The following KDM4B variants were observed in gnomAD, a reference collection of about 807,000 sequenced individuals.
KDM4B encodes the protein lysine demethylase 4B.
In KDM4B, 32 loss-of-function variants were observed where a neutral mutation model predicts 125.2. That is an observed-to-expected ratio of 0.26 (90% CI 0.19 to 0.34). The LOEUF (loss-of-function observed/expected upper bound fraction) is 0.34, where lower values mean the gene tolerates loss of function less well. KDM4B is among the 10% of genes least tolerant of loss of function. The pLI, the probability that KDM4B is intolerant of heterozygous loss-of-function variation, is 1.00. For synonymous variants in KDM4B, 721 were observed against 677.9 expected (o/e 1.06, Z -0.99); for missense variants, 1,190 against 1,577.7 (o/e 0.75, Z 4.16).
In KDM4B at chr19:5,069,546, G is replaced by T. The variant is rs545143739; in HGVS notation, c.627-1464G>T. On this transcript the variant is annotated intron_variant, in intron 6 of 22. Coordinates refer to ENST00000159111, the MANE Select transcript of KDM4B (RefSeq NM_015015.3). ...GCTGGTCTCAAACTTCTGACCTCGTGATCCACCCGCCTCGGCCTCCCAAAG... is the reference window on the plus strand; with the variant it reads ...GCTGGTCTCAAACTTCTGACCTCGTTATCCACCCGCCTCGGCCTCCCAAAG... 1.3e-5 allele frequency among the ~76,000 whole-genome samples: 2 copies of T among 151,998 alleles called. 1 individual carries two copies. The highest frequency in any genetic ancestry group is 1.3e-4 in the Admixed American group (2 of 15,282).
intron 21 of KDM4B, among the ~76,000 whole-genome samples, chr19:5,145,447 G>A (rs562586715): frequency 6.6e-6 from 1 of 152,152 alleles, no homozygotes; most frequent in East Asian, 1.9e-4. Context: ...TGGGCTTAGT[G>A]ACAGGCACCT....
At chr19:5,034,480 G>A (rs932616279) in intron 3 of KDM4B, among the ~76,000 whole-genome samples, 4 of 152,254 alleles carry the variant, frequency 2.6e-5, no homozygotes, top group South Asian at 2.1e-4. Context: ...GAGGGCAAAC[G>A]CGTATTGTTT....
chr19:5,086,103 G>C (rs2038485045), intron 9 of KDM4B, among the ~76,000 whole-genome samples: 1 of 152,154 alleles, frequency 6.6e-6, no homozygotes, highest in Non-Finnish European at 1.5e-5. Context: ...TCAGAAGAGA[G>C]CCAAAGAGGA....
At chr19:4,972,099 T>G (rs2145271671) in intron 1 of KDM4B, among the ~76,000 whole-genome samples, 1 of 152,284 alleles carries the variant, frequency 6.6e-6, no homozygotes, top group African/African-American at 2.4e-5. Context: ...GCCCTCCCCC[T>G]TCCTGCCCCA....
intron 6 of KDM4B, among the ~76,000 whole-genome samples, chr19:5,050,119 T>C (rs1490635132): frequency 6.6e-6 from 1 of 152,238 alleles, no homozygotes; most frequent in Non-Finnish European, 1.5e-5. Flanking sequence ...AGCCGCTTAA[T>C]TGCAACCATT....
At chr19:5,126,654 C>T (rs2039454575) in intron 11 of KDM4B, among the ~76,000 whole-genome samples, 1 of 152,238 alleles carries the variant, frequency 6.6e-6, no homozygotes, top group Admixed American at 6.5e-5. Flanking sequence ...GCTGCCATGT[C>T]TGGAGGGCGG....
At chr19:5,062,507 C>T (rs2145782609) in intron 6 of KDM4B, among the ~76,000 whole-genome samples, 1 of 152,346 alleles carries the variant, frequency 6.6e-6, no homozygotes, top group Non-Finnish European at 1.5e-5. Flanking sequence ...CCTGTGAGTA[C>T]AGCAGGCAAG....
chr19:5,129,978 CATG>C (rs1235296723), intron 11 of KDM4B, among the ~76,000 whole-genome samples: 2 of 152,232 alleles, frequency 1.3e-5, no homozygotes, highest in African/African-American at 4.8e-5. Flanking sequence ...GCTGGGCTCA[CATG>C]GAGCTGTGTG....
chr19:5,148,198 G>A (rs1021347124), intron 21 of KDM4B, among the ~76,000 whole-genome samples: 24 of 152,360 alleles, frequency 1.6e-4, no homozygotes, highest in Admixed American at 1.5e-3. Flanking sequence ...AGTATATCCA[G>A]TTTTCTCAAA....
intron 9 of KDM4B, among the ~76,000 whole-genome samples, chr19:5,107,779 C>A (rs1451621823): frequency 6.6e-6 from 1 of 152,228 alleles, no homozygotes; most frequent in Non-Finnish European, 1.5e-5. Context: ...TAGCGGGTTT[C>A]TCTCCCACAC....
At chr19:5,144,541 CTT>C (rs1405847688) in intron 20 of KDM4B, 129 bp downstream of exon 20, 1 of 1,005,722 alleles carries the variant, frequency 9.9e-7, no homozygotes, top group Non-Finnish European at 1.4e-6. Context: ...CTCCAGATCC[CTT>C]CATGGGGTCC....
chr19:5,077,619 T>G lies in KDM4B; in HGVS notation c.780+149T>G, dbSNP rs968068871. On this transcript the variant is annotated intron_variant, in intron 8 of 22. Coordinates refer to ENST00000159111, the MANE Select transcript of KDM4B (RefSeq NM_015015.3). ...GCATGCCAGAGGAGGGCCGCATGGCTCAGCAGTTAGCCTCCAGCTCTTCCA... is the reference window on the plus strand; with the variant it reads ...GCATGCCAGAGGAGGGCCGCATGGCGCAGCAGTTAGCCTCCAGCTCTTCCA... 6.3e-6 allele frequency: 4 copies of G among 638,294 alleles called. No homozygotes were observed. The African/African-American group carries it at 7.3e-5, about 12-fold the overall frequency. The allele number at this position is 638,294 out of a possible 1,614,324, so 39.5% of individuals were successfully genotyped here.
At chr19:5,097,869 A>G (rs1184869010) in intron 9 of KDM4B, among the ~76,000 whole-genome samples, 3 of 152,210 alleles carry the variant, frequency 2.0e-5, no homozygotes, top group South Asian at 2.1e-4. Context: ...CTCGGCCACC[A>G]GTGAGATGGG....
At chr19:5,106,763 G>T (rs367595066) in intron 9 of KDM4B, among the ~76,000 whole-genome samples, 9 of 152,196 alleles carry the variant, frequency 5.9e-5, no homozygotes, top group Admixed American at 1.3e-4. Context: ...GCACCAAGAG[G>T]GGGGGCCTTG....
intron 9 of KDM4B, among the ~76,000 whole-genome samples, chr19:5,104,494 T>C (rs2038998556): frequency 1.3e-5 from 2 of 152,176 alleles, no homozygotes; most frequent in African/African-American, 4.8e-5. Flanking sequence ...TTTTTTTTTT[T>C]TTCCAGCAAC....
At chr19:5,137,863 A>G in intron 17 of KDM4B, 99 bp from the exon 18 acceptor site, 2 of 1,160,928 alleles carry the variant, frequency 1.7e-6, no homozygotes, top group Non-Finnish European at 1.2e-6. Flanking sequence ...GAAGTTCCCC[A>G]GGCCCTGACC....
intron 15 of KDM4B, among the ~76,000 whole-genome samples, chr19:5,135,934 T>TG (rs1438301846): frequency 1.3e-5 from 2 of 152,214 alleles, no homozygotes; most frequent in African/African-American, 4.8e-5. Context: ...CAAGGGGCAC[T>TG]GGGCTCATCC....
At chr19:5,135,269 G>A in intron 14 of KDM4B, 70 bp from the exon 15 acceptor site, 2 of 1,058,502 alleles carry the variant, frequency 1.9e-6, no homozygotes, top group Non-Finnish European at 2.8e-6. Context: ...TGCCCTGAGA[G>A]AGGTCCGCGC....
chr19:5,084,729 T>C (rs1447896196), intron 9 of KDM4B, among the ~76,000 whole-genome samples: 1 of 150,572 alleles, frequency 6.6e-6, no homozygotes, highest in East Asian at 1.9e-4. Context: ...CGGGAGGATC[T>C]CTTGAGCCCA....
Sources: allele counts gnomAD v4.1 joint callset (sites outside exome capture counted in the v4.1 genomes callset), GRCh38; gene constraint gnomAD v4.1.1; transcripts MANE v1.5; gene names NCBI Gene and HGNC (gene_info 2026-07-23, HGNC 2026-07-21).